HIVEP2: variants seen among roughly 807,000 people sequenced by gnomAD.
The protein encoded by HIVEP2 is transcription factor HIVEP2.
Under a neutral mutation model 180.7 loss-of-function variants are expected in HIVEP2, and 14 were observed. The observed-to-expected ratio is 0.08, with a 90% CI of 0.05 to 0.12. The LOEUF (loss-of-function observed/expected upper bound fraction) is 0.12, where lower values mean the gene tolerates loss of function less well. Among genes scored for constraint, HIVEP2 ranks in the 10% least tolerant of loss-of-function variants. The pLI is 1.00. For synonymous variants in HIVEP2, 1,184 were observed against 1,136.4 expected, an observed-to-expected ratio of 1.04 and a Z score of -0.84; for missense variants, 2,579 against 3,008.5, an observed-to-expected ratio of 0.86 and a Z score of 3.34.
At chr6:142,884,419 T>C (rs1562278172) in intron 1 of HIVEP2, among the ~76,000 whole-genome samples, 1 of 152,128 alleles carries the variant, frequency 6.6e-6, no homozygotes, top group Admixed American at 6.6e-5. Context: ...GATGTAATCC[T>C]ATTACACTAA....
At chr6:142,894,558 A>T (rs1362115531) in intron 1 of HIVEP2, among the ~76,000 whole-genome samples, 1 of 152,254 alleles carries the variant, frequency 6.6e-6, no homozygotes, top group African/African-American at 2.4e-5. Context: ...TTTACATAAT[A>T]ATTTTTAAAA....
In HIVEP2 at chr6:142,759,888, C is replaced by G. The variant is rs546943968; in HGVS notation, c.6400G>C (p.Glu2134Gln). Residue 2134 changes from glutamate (E) to glutamine (Q), a missense_variant, in exon 9 of 10, where the codon GAG (glutamate) becomes CAG (glutamine). By Grantham distance (29) the Glu-to-Gln change is conservative. Coordinates refer to ENST00000367603, the MANE Select transcript of HIVEP2 (RefSeq NM_006734.4). ...TARRDLSPRRERRYMTTIRAP... is the reference protein window; with the variant it reads ...TARRDLSPRRQRRYMTTIRAP... ...CTTATTGTGGTCATGTATCTTCTCT[C>G]TCTTCTAGGAGAGAGGTCTCTTCTT... The G allele has an allele frequency of 6.2e-7, 1 of 1,614,158 alleles. No homozygotes were observed. The highest frequency in any genetic ancestry group is 2.2e-5 in the East Asian group (1 of 44,884).
chr6:142,790,202 G>A (rs752187988), intron 2 of HIVEP2, among the ~76,000 whole-genome samples: 43 of 152,084 alleles, frequency 2.8e-4, no homozygotes, highest in Admixed American at 1.9e-3. Flanking sequence ...TTTCACCTAG[G>A]AGACCTGTGA....
At position 142,844,531 on chromosome 6, in the gene HIVEP2, C is replaced by T. The variant is rs577397731; in HGVS notation, c.-640-7484G>A. 1.6e-4 allele frequency among the ~76,000 whole-genome samples: 25 copies of T among 152,240 alleles called. No individual in the cohort carries two copies. The South Asian group carries it at 4.6e-3, about 28-fold the overall frequency. On this transcript the variant is annotated intron_variant, in intron 1 of 9. Coordinates refer to ENST00000367603, the MANE Select transcript of HIVEP2 (RefSeq NM_006734.4). ...TTATGTTTCACATTAATGTTAAATG[C>T]CATGACTATGGTTTAGCCACAGTTA...
At chr6:142,926,024 T>C (rs62428831) in intron 1 of HIVEP2, among the ~76,000 whole-genome samples, 14,905 of 152,226 alleles carry the variant, frequency 0.098, 1,046 homozygotes, top group Non-Finnish European at 0.14. Context: ...TTATCATACC[T>C]GCAAGTATGG....
At chr6:142,906,465 C>G (rs1005053304) in intron 1 of HIVEP2, among the ~76,000 whole-genome samples, 5 of 144,972 alleles carry the variant, frequency 3.4e-5, no homozygotes, top group Non-Finnish European at 8.0e-5. Flanking sequence ...AATAAAGAAA[C>G]CTCTTTAATT....
intron 2 of HIVEP2, among the ~76,000 whole-genome samples, chr6:142,829,907 C>A (rs1236328198): frequency 6.6e-6 from 1 of 152,140 alleles, no homozygotes; most frequent in Non-Finnish European, 1.5e-5. Context: ...GGCTCAAGAT[C>A]TAAAATGTAT....
intron 1 of HIVEP2, among the ~76,000 whole-genome samples, chr6:142,882,453 AT>A (rs1445821659): frequency 6.6e-6 from 1 of 151,608 alleles, no homozygotes; most frequent in Admixed American, 6.6e-5. Context: ...TCCACAAAAA[AT>A]AAATAAATAA....
intron 1 of HIVEP2, among the ~76,000 whole-genome samples, chr6:142,872,375 G>T (rs1776311381): frequency 6.6e-6 from 1 of 152,172 alleles, no homozygotes; most frequent in African/African-American, 2.4e-5. Flanking sequence ...AAACAGTTAT[G>T]TCCAACAAAG....
intron 7 of HIVEP2, among the ~76,000 whole-genome samples, chr6:142,763,793 C>A: frequency 6.6e-6 from 1 of 152,178 alleles, no homozygotes; most frequent in East Asian, 1.9e-4. Flanking sequence ...CAAATGAACA[C>A]ATACTTTTTT....
intron 1 of HIVEP2, among the ~76,000 whole-genome samples, chr6:142,854,286 T>A (rs1038681322): frequency 6.6e-6 from 1 of 152,156 alleles, no homozygotes; most frequent in Non-Finnish European, 1.5e-5. Context: ...CCAGGGATGC[T>A]GGTAAGTATT....
intron 2 of HIVEP2, among the ~76,000 whole-genome samples, chr6:142,790,879 C>T (rs1776121027): frequency 2.6e-5 from 4 of 152,286 alleles, no homozygotes; most frequent in East Asian, 1.9e-4. Context: ...TTGCATCCCA[C>T]ATTTCATGCT....
At chr6:142,909,071 C>T (rs954221836) in intron 1 of HIVEP2, among the ~76,000 whole-genome samples, 2 of 152,092 alleles carry the variant, frequency 1.3e-5, no homozygotes, top group African/African-American at 4.8e-5. Context: ...TTAGAGGTAT[C>T]TAAACGTTAT....
chr6:142,762,080 A>T (rs545201022), intron 7 of HIVEP2, among the ~76,000 whole-genome samples: 180 of 152,298 alleles, frequency 1.2e-3, no homozygotes, highest in Admixed American at 2.3e-3. Flanking sequence ...CATACAAACT[A>T]ATGTGAGGGC....
intron 1 of HIVEP2, among the ~76,000 whole-genome samples, chr6:142,896,241 T>A (rs1037159130): frequency 1.3e-5 from 2 of 152,144 alleles, no homozygotes; most frequent in African/African-American, 4.8e-5. Context: ...TTCAACCTTA[T>A]GGAGACACCC....
chr6:142,908,315 A>C (rs1437320183), intron 1 of HIVEP2, among the ~76,000 whole-genome samples: 5 of 152,182 alleles, frequency 3.3e-5, no homozygotes, highest in Non-Finnish European at 5.9e-5. Flanking sequence ...GATGTTAACC[A>C]ATCCTCAAGG....
chr6:142,927,976 G>A (rs1189561648), intron 1 of HIVEP2, among the ~76,000 whole-genome samples: 1 of 152,216 alleles, frequency 6.6e-6, no homozygotes, highest in Non-Finnish European at 1.5e-5. Flanking sequence ...TGTTCTCATG[G>A]TGAACAAACA....
At chr6:142,934,162 AT>A (rs907093114) in intron 1 of HIVEP2, among the ~76,000 whole-genome samples, 5 of 152,162 alleles carry the variant, frequency 3.3e-5, no homozygotes, top group Non-Finnish European at 7.4e-5. Context: ...TGTATATCAG[AT>A]TTTTTTCAAC....
At chr6:142,895,923 A>G (rs934570043) in intron 1 of HIVEP2, among the ~76,000 whole-genome samples, 2 of 152,196 alleles carry the variant, frequency 1.3e-5, no homozygotes, top group African/African-American at 4.8e-5. Context: ...GCATCCCTCA[A>G]TTAACCTTCA....
Sources: allele counts gnomAD v4.1 joint callset (sites outside exome capture counted in the v4.1 genomes callset), GRCh38; gene constraint gnomAD v4.1.1; transcripts MANE v1.5; gene names NCBI Gene and HGNC (gene_info 2026-07-23, HGNC 2026-07-21).